ZNRF1: variants seen among roughly 807,000 people sequenced by gnomAD.
The protein encoded by ZNRF1 is E3 ubiquitin-protein ligase ZNRF1.
Under a neutral mutation model 18.4 loss-of-function variants are expected in ZNRF1, and 3 were observed. The ratio of observed to expected loss-of-function variants is 0.16; its 90% confidence interval spans 0.07 to 0.42. ZNRF1 has a LOEUF of 0.42. ZNRF1 is among the 10% of genes least tolerant of loss of function. The pLI is 0.99. For synonymous variants in ZNRF1, 157 were observed against 144.2 expected (o/e 1.09, Z -0.64); for missense variants, 310 against 329.8 (o/e 0.94, Z 0.47).
At chr16:75,016,667 C>G (rs1411257794) in intron 1 of ZNRF1, among the ~76,000 whole-genome samples, 1 of 149,088 alleles carries the variant, frequency 6.7e-6, no homozygotes, top group Non-Finnish European at 1.5e-5. Flanking sequence ...TCCAGAGTAG[C>G]TGGGACTACA....
chr16:75,026,261 T>A (rs935088541), intron 1 of ZNRF1, among the ~76,000 whole-genome samples: 2 of 152,144 alleles, frequency 1.3e-5, no homozygotes, highest in East Asian at 3.8e-4. Flanking sequence ...GTTATTTATT[T>A]TTTTTTTTAA....
chr16:75,010,540 G>A (rs1216187249), intron 1 of ZNRF1, among the ~76,000 whole-genome samples: 1 of 151,992 alleles, frequency 6.6e-6, no homozygotes, highest in Non-Finnish European at 1.5e-5. Context: ...ATTTCACTTC[G>A]TATTTAGGTA....
chr16:75,032,693 C>T (rs1400446850), intron 1 of ZNRF1, among the ~76,000 whole-genome samples: 1 of 152,038 alleles, frequency 6.6e-6, no homozygotes, highest in African/African-American at 2.4e-5. Flanking sequence ...AAATGTCTTA[C>T]AACTCAACAA....
intron 1 of ZNRF1, among the ~76,000 whole-genome samples, chr16:75,016,490 T>C (rs1361995216): frequency 6.6e-6 from 1 of 152,060 alleles, no homozygotes; most frequent in African/African-American, 2.4e-5. Context: ...TCTGCCTGCC[T>C]TGGCCTTCCA....
intron 1 of ZNRF1, among the ~76,000 whole-genome samples, chr16:75,031,726 T>G (rs889617779): frequency 1.3e-5 from 2 of 152,096 alleles, no homozygotes; most frequent in African/African-American, 4.8e-5. Context: ...GTTCTCGAAC[T>G]CCTGAACTCA....
At position 75,036,638 on chromosome 16, in the gene ZNRF1, G is replaced by A. The variant is rs569268336; in HGVS notation, c.424+36543G>A. On this transcript the variant is annotated intron_variant, in intron 1 of 4. Transcript: ENST00000335325. The stretch of plus-strand genomic sequence containing the variant: ...AGAAAAGTTCTTATTTTTTTGGCCG[G>A]GTGGACAACCTGTCTAAATGTAGAA... Among the ~76,000 whole-genome samples, 317 of 149,706 alleles carry A rather than the reference G, an allele frequency of 2.1e-3. 2 individuals are homozygous for A. Among genetic ancestry groups the A allele is most frequent in the Non-Finnish European group, 3.4e-3 (231 of 67,598 alleles).
rs1384996538 is a variant in ZNRF1 at position 75,108,709 on chromosome 16, A to G, written c.*1009A>G. ...ATGGTATTAAAATGTCTAATAAAAG[A>G]TGGCACTGCGTGATTTTATTTTAAT... On this transcript the variant is annotated 3_prime_UTR_variant, in exon 5 of 5. Transcript: ENST00000335325. The G allele has an allele frequency of 1.8e-5, 7 of 395,800 alleles. No homozygotes were observed. The highest frequency in any genetic ancestry group is 2.7e-5 in the Non-Finnish European group (6 of 224,588). The allele number at this position is 395,800 out of a possible 1,614,324, so 24.5% of individuals were successfully genotyped here.
rs143629293 is a variant in ZNRF1 at position 75,042,591 on chromosome 16, C to A, written c.424+42496C>A. 5.7e-4 allele frequency among the ~76,000 whole-genome samples: 87 copies of A among 151,826 alleles called. 3 individuals are homozygous for A. In the East Asian group the frequency reaches 0.015, roughly 27 times the overall value. On this transcript the variant is annotated intron_variant, in intron 1 of 4. Coordinates refer to ENST00000335325, the MANE Select transcript of ZNRF1 (RefSeq NM_032268.5). The stretch of plus-strand genomic sequence containing the variant: ...TTATTTCTCGGCTTTCAATTCTGTT[C>A]CATTGATTTATGTGTCTGTTGCTAT...
At chr16:75,077,066 G>T (rs2035947961) in intron 1 of ZNRF1, among the ~76,000 whole-genome samples, 1 of 152,136 alleles carries the variant, frequency 6.6e-6, no homozygotes, top group African/African-American at 2.4e-5. Flanking sequence ...ATAATTTTCA[G>T]CAGAGCCAGG....
intron 1 of ZNRF1, among the ~76,000 whole-genome samples, chr16:75,042,443 C>CTTTTTT (rs56212046): frequency 6.2e-4 from 73 of 116,918 alleles, no homozygotes; most frequent in East Asian, 2.5e-3. Context: ...CTGTTTCTTT[C>CTTTTTT]TTTTTTTTTT....
rs1370178107 is a variant in ZNRF1, at chr16:75,099,023, C to T, written c.520+5356C>T. ...CCAGGTTCCTCCATCCACCTTGGGTCCTCTGCACACACTTCACAGAAAGGG... is the reference window on the plus strand; with the variant it reads ...CCAGGTTCCTCCATCCACCTTGGGTTCTCTGCACACACTTCACAGAAAGGG... On this transcript the variant is annotated intron_variant, in intron 2 of 4. Coordinates refer to ENST00000335325, the MANE Select transcript of ZNRF1 (RefSeq NM_032268.5). Among the ~76,000 whole-genome samples the T allele has an allele frequency of 2.0e-5, 3 of 152,196 alleles. No individual in the cohort carries two copies. In the East Asian group the frequency reaches 5.8e-4, roughly 29 times the overall value.
chr16:75,004,678 A>G lies in ZNRF1; in HGVS notation c.424+4583A>G, dbSNP rs149528503. On this transcript the variant is annotated intron_variant, in intron 1 of 4. Transcript: ENST00000335325. ...GCCCAGGCTGGAGTGCCATGGTGCA[A>G]TCATGGTTCACTGTAGCCTCAAACT... Among the ~76,000 whole-genome samples, 220 of 152,242 alleles carry G rather than the reference A, an allele frequency of 1.4e-3. 1 individual carries two copies. The highest frequency in any genetic ancestry group is 2.6e-3 in the Non-Finnish European group (177 of 68,018).
chr16:75,104,589 C>T (rs1463752404), intron 2 of ZNRF1, 195 bp from the exon 3 acceptor site: 1 of 483,542 alleles, frequency 2.1e-6, no homozygotes, highest in Non-Finnish European at 3.7e-6. Context: ...GGGTAATTAA[C>T]ATGTGATGTC....
At chr16:75,080,609 CCTAA>C (rs1306696941) in intron 1 of ZNRF1, among the ~76,000 whole-genome samples, 2 of 152,134 alleles carry the variant, frequency 1.3e-5, no homozygotes, top group Non-Finnish European at 2.9e-5. Flanking sequence ...TTTTCCCTTC[CCTAA>C]CTGTTTTTCC....
chr16:75,057,849 C>T (rs561178530), intron 1 of ZNRF1, among the ~76,000 whole-genome samples: 1 of 152,268 alleles, frequency 6.6e-6, no homozygotes, highest in South Asian at 2.1e-4. Context: ...CCATGTTGGC[C>T]AGGTTGGTCG....
chr16:75,012,840 C>T (rs539754049), intron 1 of ZNRF1, among the ~76,000 whole-genome samples: 1 of 152,272 alleles, frequency 6.6e-6, no homozygotes, highest in South Asian at 2.1e-4. Context: ...GAGTCATGGC[C>T]TGTCTTCTGT....
intron 2 of ZNRF1, among the ~76,000 whole-genome samples, chr16:75,098,594 G>T (rs1366562496): frequency 6.6e-6 from 1 of 152,190 alleles, no homozygotes; most frequent in East Asian, 1.9e-4. Context: ...GGCAGACTGG[G>T]CCAGCAGCTC....
chr16:75,056,076 TTTTA>T (rs2035663902), intron 1 of ZNRF1, among the ~76,000 whole-genome samples: 1 of 152,214 alleles, frequency 6.6e-6, no homozygotes. Flanking sequence ...ACTGTAATCA[TTTTA>T]GCCATTGATA....
intron 1 of ZNRF1, among the ~76,000 whole-genome samples, chr16:75,070,839 C>G (rs2035861631): frequency 6.6e-6 from 1 of 152,190 alleles, no homozygotes; most frequent in Non-Finnish European, 1.5e-5. Context: ...AGCCGCCCAT[C>G]TTGTTGTGTA....
Sources: allele counts gnomAD v4.1 joint callset (sites outside exome capture counted in the v4.1 genomes callset), GRCh38; gene constraint gnomAD v4.1.1; transcripts MANE v1.5; gene names NCBI Gene and HGNC (gene_info 2026-07-23, HGNC 2026-07-21).